GNG7: variants seen among roughly 807,000 people sequenced by gnomAD.
The protein encoded by GNG7 is G protein subunit gamma 7, also known as guanine nucleotide-binding protein G(I)/G(S)/G(O) subunit gamma-7.
Under a neutral mutation model 4.0 loss-of-function variants are expected in GNG7, and 1 was observed. That is an observed-to-expected ratio of 0.25 (90% CI 0.09 to 1.18). The LOEUF (loss-of-function observed/expected upper bound fraction) is 1.18. GNG7 is among the 50% of genes most tolerant of loss of function. The pLI, the probability that GNG7 is intolerant of heterozygous loss-of-function variation, is 0.50. For missense variants in GNG7, 86 were observed against 91.9 expected (o/e 0.94, Z 0.26); for synonymous variants, 34 against 36.9 (o/e 0.92, Z 0.29).
In GNG7 at chr19:2,539,255, C is replaced by T. The variant is rs1305280973; in HGVS notation, c.-38+15894G>A. On this transcript the variant is annotated intron_variant, in intron 3 of 4. Coordinates refer to ENST00000382159, the MANE Select transcript of GNG7 (RefSeq NM_052847.3). ...AATCAGAATTGAAATTTGTTTGTGA[C>T]GACAATAAATTAAGGATATTTTCAC... Among the ~76,000 whole-genome samples, 8 of 150,376 alleles carry T rather than the reference C, an allele frequency of 5.3e-5. No individual in the cohort carries two copies. In the South Asian group the frequency reaches 8.4e-4, roughly 16 times the overall value.
At position 2,513,077 on chromosome 19, in the gene GNG7, T is replaced by A; in HGVS notation, c.*1945A>T. ...GGGTGCCGGGGGTGGGGAGCCCGGC[T>A]GTGGCCTGTGGGAGCTGCCCGAGGT... is the stretch of plus-strand genomic sequence containing the variant. On this transcript the variant is annotated 3_prime_UTR_variant, in exon 5 of 5. Transcript: ENST00000382159. 1.0e-6 allele frequency: 1 copy of A among 985,568 alleles called. No individual in the cohort carries two copies. The highest frequency in any genetic ancestry group is 1.7e-5 in the African/African-American group (1 of 57,358). 61.1% of individuals were successfully genotyped at this position (985,568 alleles called of 1,614,324 possible). A position where few individuals can be genotyped will look rare whatever the true frequency, so the allele number is the denominator to read the frequency against.
chr19:2,649,979 C>T (rs1982767021), intron 1 of GNG7, among the ~76,000 whole-genome samples: 1 of 151,804 alleles, frequency 6.6e-6, no homozygotes, highest in Non-Finnish European at 1.5e-5. Context: ...TGTCTGGTGT[C>T]TCTCACTGAG....
At chr19:2,600,462 C>T (rs1239792169) in intron 2 of GNG7, among the ~76,000 whole-genome samples, 1 of 134,580 alleles carries the variant, frequency 7.4e-6, no homozygotes, top group Non-Finnish European at 1.6e-5. Context: ...CCCAGAGTAT[C>T]TTGGCATTTT....
In GNG7 at chr19:2,518,247, C is replaced by CA. The variant is rs938761962; in HGVS notation, c.81+2360_81+2361insT. 1.4e-4 allele frequency among the ~76,000 whole-genome samples: 22 copies of CA among 151,892 alleles called. No homozygotes were observed. The South Asian group carries it at 1.9e-3, about 13-fold the overall frequency. On this transcript the variant is annotated intron_variant, in intron 4 of 4. Transcript: ENST00000382159. ...GGGGACGGGTCAAATCCTGGCTCCC[C>CA]CCGAGGCCCGACATTCAAAGGGGCG...
At chr19:2,676,215 G>C (rs757770497) in intron 1 of GNG7, among the ~76,000 whole-genome samples, 1 of 152,204 alleles carries the variant, frequency 6.6e-6, no homozygotes, top group Non-Finnish European at 1.5e-5. Flanking sequence ...CAGACTTCTG[G>C]CTTCTAGAAC....
At chr19:2,539,176 G>A (rs1289121767) in intron 3 of GNG7, among the ~76,000 whole-genome samples, 1 of 152,106 alleles carries the variant, frequency 6.6e-6, no homozygotes, top group Admixed American at 6.6e-5. Flanking sequence ...GTAAACAAAT[G>A]AACTATAAAC....
intron 1 of GNG7, among the ~76,000 whole-genome samples, chr19:2,652,740 T>G (rs746288655): frequency 2.0e-5 from 3 of 151,998 alleles, no homozygotes; most frequent in Non-Finnish European, 4.4e-5. Flanking sequence ...GTTTCAGCTG[T>G]GTTGGAAACA....
chr19:2,698,069 C>T (rs1255536105), intron 1 of GNG7, among the ~76,000 whole-genome samples: 1 of 150,916 alleles, frequency 6.6e-6, no homozygotes, highest in Admixed American at 6.6e-5. Flanking sequence ...GAGTTCCAGA[C>T]CAGCCTGGCT....
At chr19:2,620,789 C>T (rs925889958) in intron 2 of GNG7, among the ~76,000 whole-genome samples, 3 of 152,070 alleles carry the variant, frequency 2.0e-5, no homozygotes, top group African/African-American at 4.8e-5. Flanking sequence ...TGCAGTGAGC[C>T]GAAATCGTGC....
rs372683726 is a variant in GNG7 at position 2,669,061 on chromosome 19, C to T, written c.-134-22781G>A. 2.6e-5 allele frequency among the ~76,000 whole-genome samples: 4 copies of T among 152,122 alleles called. No homozygotes were observed. In the South Asian group the frequency reaches 8.3e-4, roughly 31 times the overall value. On this transcript the variant is annotated intron_variant, in intron 1 of 4. Coordinates refer to ENST00000382159, the MANE Select transcript of GNG7 (RefSeq NM_052847.3). ...CCACAGATGGGGAAACACACTGAAA[C>T]GAGGTAAAGTCAGCTCAAGGTCACC...
chr19:2,520,804 C>T, intron 3 of GNG7, 79 bp from the exon 4 acceptor site: 1 of 654,140 alleles, frequency 1.5e-6, no homozygotes. Flanking sequence ...GGCCTTGGCT[C>T]AACCTTCCCG....
intron 2 of GNG7, among the ~76,000 whole-genome samples, chr19:2,582,848 T>C (rs1980543279): frequency 6.6e-6 from 1 of 152,000 alleles, no homozygotes. Context: ...TTTGTATTTT[T>C]AGTAGAGATG....
At chr19:2,664,210 G>A (rs781477455) in intron 1 of GNG7, among the ~76,000 whole-genome samples, 3 of 152,190 alleles carry the variant, frequency 2.0e-5, no homozygotes, top group Non-Finnish European at 2.9e-5. Context: ...TGGCAGGGGC[G>A]TCTTGTCTCG....
At chr19:2,531,545 G>A (rs1287839780) in intron 3 of GNG7, among the ~76,000 whole-genome samples, 4 of 152,128 alleles carry the variant, frequency 2.6e-5, no homozygotes, top group African/African-American at 9.6e-5. Flanking sequence ...GCCGGGCGCG[G>A]TGGCTCACGA....
chr19:2,552,715 C>G (rs1225768149), intron 3 of GNG7, among the ~76,000 whole-genome samples: 1 of 151,494 alleles, frequency 6.6e-6, no homozygotes, highest in Non-Finnish European at 1.5e-5. Flanking sequence ...GAAACAAGCT[C>G]CGGGCTCCCA....
chr19:2,680,216 C>T (rs1452682935), intron 1 of GNG7, among the ~76,000 whole-genome samples: 7 of 145,768 alleles, frequency 4.8e-5, no homozygotes, highest in Admixed American at 4.2e-4. Context: ...TGTGCGATCT[C>T]GGCTCACCAC....
chr19:2,698,738 A>G (rs1303988838), intron 1 of GNG7, among the ~76,000 whole-genome samples: 2 of 152,090 alleles, frequency 1.3e-5, no homozygotes, highest in African/African-American at 2.4e-5. Flanking sequence ...AAAAATCCGA[A>G]TAACACCTTG....
Position 2,626,558 on chromosome 19 carries a change from A to C in GNG7, c.-78+19666T>G, listed in dbSNP as rs1244283261. Among the ~76,000 whole-genome samples, 1 of 152,048 alleles carries C rather than the reference A, an allele frequency of 6.6e-6. No homozygotes were observed. Among genetic ancestry groups the C allele is most frequent in the East Asian group, 1.9e-4 (1 of 5,198 alleles). On this transcript the variant is annotated intron_variant, in intron 2 of 4. Transcript: ENST00000382159. The surrounding 1 kb of genome is among the most constrained non-coding windows in gnomAD (Gnocchi z 5.0). The stretch of plus-strand genomic sequence containing the variant: ...ATCCCCCACCCCACCTGTCACCTTC[A>C]GGGCACTAGCAACACTCAACTCATG...
chr19:2,529,837 G>A (rs1978527870), intron 3 of GNG7, among the ~76,000 whole-genome samples: 1 of 152,164 alleles, frequency 6.6e-6, no homozygotes, highest in Non-Finnish European at 1.5e-5. Context: ...ACCACACGGT[G>A]CCTGCCTGGA....
Sources: gnomAD v4.1 joint callset for allele counts (sites outside exome capture counted in the v4.1 genomes callset) on GRCh38, gnomAD v4.1.1 for gene constraint, Gnocchi (gnomAD v3.1) non-coding constraint, MANE v1.5 for transcripts, NCBI Gene and HGNC (gene_info 2026-07-23, HGNC 2026-07-21) for gene names.